Variants in UPB1 observed in about 807,000 individuals in gnomAD.
UPB1 encodes beta-ureidopropionase 1.
In UPB1, 40 loss-of-function variants were observed where a neutral mutation model predicts 49.1. The ratio of observed to expected loss-of-function variants is 0.81; its 90% CI spans 0.63 to 1.06. The LOEUF is 1.06. Ranked by LOEUF, UPB1 falls within the 50% of genes least tolerant of loss-of-function variation. The pLI, the probability that UPB1 is intolerant of heterozygous loss-of-function variation, is 0.00. For synonymous variants in UPB1, 207 were observed against 198.2 expected, an observed-to-expected ratio of 1.04 and a Z score of -0.38; for missense variants, 499 against 505.9, an observed-to-expected ratio of 0.99 and a Z score of 0.13.
intron 5 of UPB1, 65 bp from the exon 6 acceptor site, chr22:24,515,136 T>C: frequency 6.2e-7 from 1 of 1,605,432 alleles, no homozygotes; most frequent in Non-Finnish European, 8.5e-7. Flanking sequence ...TATTTCAGTT[T>C]TTCTGCTGAG....
chr22:24,522,340 C>T lies in UPB1; in HGVS notation c.916+312C>T, dbSNP rs1429717158. Among the ~76,000 whole-genome samples, 3 of 152,148 alleles carry T rather than the reference C, an allele frequency of 2.0e-5. No individual in the cohort carries two copies. In the South Asian group the frequency reaches 6.2e-4, roughly 32 times the overall value. On this transcript the variant is annotated intron_variant, in intron 8 of 9. Transcript: ENST00000326010. ...CTCTGAAAGGGAGAGGTGCTCTCAT[C>T]CAGCCCATAGATCTCCCTTTCCACT... is the stretch of plus-strand genomic sequence containing the variant.
rs762045757 is a variant in UPB1, at chr22:24,513,311, A to G, written c.460-13A>G. 3.1e-6 allele frequency: 5 copies of G among 1,614,074 alleles called. No individual in the cohort carries two copies. Among genetic ancestry groups the G allele is most frequent in the Non-Finnish European group, 3.4e-6 (4 of 1,180,032 alleles). On this transcript the variant is annotated splice_polypyrimidine_tract_variant and intron_variant, in intron 4 of 9. Coordinates refer to ENST00000326010, the MANE Select transcript of UPB1 (RefSeq NM_016327.3). ...TTATAAGTGGGACTCTGCCATATTT[A>G]TCATTTTTCCAGCTGGCGAAGAACC...
chr22:24,520,294 G>A, intron 6 of UPB1, 93 bp from the exon 7 acceptor site: 1 of 1,429,514 alleles, frequency 7.0e-7, no homozygotes, highest in Non-Finnish European at 9.7e-7. Flanking sequence ...ACTGGCCCAG[G>A]AAAGCCTGCA....
chr22:24,511,616 A>ATTTTTT (rs758257120), intron 4 of UPB1, among the ~76,000 whole-genome samples: 16 of 125,152 alleles, frequency 1.3e-4, no homozygotes, highest in Non-Finnish European at 2.1e-4. Flanking sequence ...ATATATATAT[A>ATTTTTT]TATTTTTTTT....
chr22:24,501,989 C>A, intron 2 of UPB1, 137 bp from the exon 3 acceptor site: 2 of 852,352 alleles, frequency 2.3e-6, no homozygotes, highest in Non-Finnish European at 3.9e-6. Flanking sequence ...AGGAGATAAC[C>A]AAATATAGAA....
At chr22:24,501,990 A>C (rs886602386) in intron 2 of UPB1, 136 bp from the exon 3 acceptor site, 4 of 858,878 alleles carry the variant, frequency 4.7e-6, no homozygotes, top group Non-Finnish European at 7.8e-6. Flanking sequence ...GGAGATAACC[A>C]AATATAGAAC....
At chr22:24,515,161 GAA>G in intron 5 of UPB1, 38 bp from the exon 6 acceptor site, 1 of 1,613,332 alleles carries the variant, frequency 6.2e-7, no homozygotes, top group South Asian at 1.1e-5. Context: ...AGGAAATCTT[GAA>G]GGTCAGAGGC....
Position 24,510,758 on chromosome 22 carries a change from T to C in UPB1, c.374T>C (p.Phe125Ser), listed in dbSNP as rs1300972198. ...TTTCTCCTATTTATAGCTATGCCCT[T>C]TGCCTTCTGTACGAGAGAGAAGCTT... The part of the protein sequence containing the change: ...ICFQEAWTMP[F>S]AFCTREKLPW... The change falls in exon 4 of 10, where the codon TTT becomes TCT. Residue 125 changes from phenylalanine to serine, a missense_variant. Phe to Ser is a radical substitution (Grantham distance 155). Coordinates refer to ENST00000326010, the MANE Select transcript of UPB1 (RefSeq NM_016327.3). The C allele has an allele frequency of 1.9e-6, 3 of 1,614,168 alleles. No homozygotes were observed. Among genetic ancestry groups the C allele is most frequent in the Non-Finnish European group, 2.5e-6 (3 of 1,179,986 alleles).
chr22:24,509,666 A>G (rs898646462), intron 3 of UPB1, among the ~76,000 whole-genome samples: 26 of 152,298 alleles, frequency 1.7e-4, no homozygotes, highest in Non-Finnish European at 3.2e-4. Context: ...CACCCTGCAG[A>G]TTGGCCAACA....
intron 6 of UPB1, chr22:24,516,737 T>G (rs376729898): frequency 7.9e-5 from 12 of 152,346 alleles, no homozygotes; most frequent in African/African-American, 2.6e-4. Context: ...TTTTTTTTTT[T>G]TCTTTGAGAC....
rs1026224057 is a variant in UPB1, at chr22:24,515,101, G to A, written c.622-100G>A. On this transcript the variant is annotated intron_variant, in intron 5 of 9. Coordinates refer to ENST00000326010, the MANE Select transcript of UPB1 (RefSeq NM_016327.3). ...GGAACTTAGAGTCACACTCAGGAGT[G>A]TAACCACCTCTGGACTATTGGTGAT... 8 of 1,475,598 alleles carry A rather than the reference G, an allele frequency of 5.4e-6. No individual in the cohort carries two copies. The African/African-American group carries it at 8.3e-5, about 15-fold the overall frequency. 91.4% of individuals were successfully genotyped at this position (1,475,598 alleles called of 1,614,324 possible). A position where few individuals can be genotyped will look rare whatever the true frequency, so the allele number is the denominator to read the frequency against.
intron 3 of UPB1, among the ~76,000 whole-genome samples, chr22:24,509,179 A>G (rs1302510718): frequency 1.3e-5 from 2 of 152,094 alleles, no homozygotes; most frequent in East Asian, 1.9e-4. Context: ...AACTCCATGC[A>G]CTGCAGATAT....
chr22:24,519,029 C>T (rs935119086), intron 6 of UPB1, among the ~76,000 whole-genome samples: 1 of 152,208 alleles, frequency 6.6e-6, no homozygotes, highest in Admixed American at 6.5e-5. Flanking sequence ...CTATGCAGAA[C>T]ACCTCCCTGG....
intron 3 of UPB1, among the ~76,000 whole-genome samples, chr22:24,503,923 T>C (rs936845819): frequency 6.6e-6 from 1 of 152,178 alleles, no homozygotes; most frequent in Non-Finnish European, 1.5e-5. Context: ...CCAGGCTGGG[T>C]TTTCCTTGGG....
intron 1 of UPB1, among the ~76,000 whole-genome samples, chr22:24,499,501 A>C (rs1470240970): frequency 2.0e-5 from 3 of 152,190 alleles, no homozygotes; most frequent in African/African-American, 4.8e-5. Flanking sequence ...ATGAGCACTT[A>C]GGGCTTCCAT....
chr22:24,503,476 C>T (rs1391357430), intron 3 of UPB1: 1 of 152,056 alleles, frequency 6.6e-6, no homozygotes, highest in Non-Finnish European at 1.5e-5. Flanking sequence ...TTTATGTTGC[C>T]TCGGCATCCA....
chr22:24,519,341 A>T (rs2044348392), intron 6 of UPB1, among the ~76,000 whole-genome samples: 1 of 152,064 alleles, frequency 6.6e-6, no homozygotes, highest in Admixed American at 6.6e-5. Flanking sequence ...GGGCATTTTG[A>T]TCCTAGTCAC....
rs372056102 is a variant in UPB1 at position 24,506,885 on chromosome 22, T to A, written c.365-3864T>A. On this transcript the variant is annotated intron_variant, in intron 3 of 9. Transcript: ENST00000326010. ...CAAAGTCTAGCACAGGTACCCCTCCTTTGTGGGGCCCTGGGGACTCCCCCA... is the reference window on the plus strand; with the variant it reads ...CAAAGTCTAGCACAGGTACCCCTCCATTGTGGGGCCCTGGGGACTCCCCCA... Among the ~76,000 whole-genome samples the A allele has an allele frequency of 2.2e-4, 33 of 152,312 alleles. 1 individual carries two copies. The East Asian group carries it at 4.3e-3, about 20-fold the overall frequency.
intron 3 of UPB1, among the ~76,000 whole-genome samples, chr22:24,503,905 G>T (rs534138551): frequency 2.5e-4 from 38 of 152,314 alleles, no homozygotes; most frequent in African/African-American, 8.9e-4. Flanking sequence ...GAAGAACCAG[G>T]GGCTGCCCCA....
Sources: allele counts gnomAD v4.1 joint callset (sites outside exome capture counted in the v4.1 genomes callset), GRCh38; gene constraint gnomAD v4.1.1; transcripts MANE v1.5; gene names NCBI Gene and HGNC (gene_info 2026-07-23, HGNC 2026-07-21).